The following ARFGEF3 variants were observed in gnomAD, a reference collection of about 807,000 sequenced individuals.
The protein encoded by ARFGEF3 is brefeldin A-inhibited guanine nucleotide-exchange protein 3.
A neutral mutation model predicts 221.7 loss-of-function variants in ARFGEF3; 96 were observed. The observed-to-expected ratio is 0.43, with a 90% CI of 0.37 to 0.51. The LOEUF (loss-of-function observed/expected upper bound fraction) is 0.51, where lower values mean the gene tolerates loss of function less well. Among genes scored for constraint, ARFGEF3 ranks in the 20% least tolerant of loss-of-function variants. The pLI is 0.00. For synonymous variants in ARFGEF3, 1,145 were observed against 1,126.8 expected (o/e 1.02, Z -0.32); for missense variants, 2,410 against 2,789.9 (o/e 0.86, Z 3.07).
chr6:138,335,167 A>G lies in ARFGEF3; in HGVS notation c.6321A>G (p.Arg2107=). The G allele has an allele frequency of 6.4e-7, 1 of 1,555,556 alleles. No homozygotes were observed. Among genetic ancestry groups the G allele is most frequent in the Non-Finnish European group, 8.6e-7 (1 of 1,158,404 alleles). Residue 2107 remains arginine, a synonymous_variant, in exon 33 of 34, where the codon AGA becomes AGG. Coordinates refer to ENST00000251691, the MANE Select transcript of ARFGEF3 (RefSeq NM_020340.5). ...GGAGCTCCCTCAGTGTCTCGGTGAG[A>G]GACGCAGAAGCACAGATCCAGGTAC... ...STGSSLSVSV[R]DAEAQIQAWT...
At chr6:138,190,148 TC>T (rs1368659024) in intron 2 of ARFGEF3, among the ~76,000 whole-genome samples, 10 of 152,002 alleles carry the variant, frequency 6.6e-5, no homozygotes, top group East Asian at 3.9e-4. Context: ...GAAAGGCAGT[TC>T]ACTTGCTTGG....
intron 32 of ARFGEF3, among the ~76,000 whole-genome samples, chr6:138,330,705 AG>A (rs1378243405): frequency 6.7e-6 from 1 of 149,296 alleles, no homozygotes; most frequent in African/African-American, 2.6e-5. Flanking sequence ...CCAGGTTAGC[AG>A]GTCAGTTTGA....
chr6:138,292,438 T>C (rs954784707), intron 19 of ARFGEF3, among the ~76,000 whole-genome samples: 2 of 152,066 alleles, frequency 1.3e-5, no homozygotes, highest in East Asian at 1.9e-4. Flanking sequence ...GCTTGGAAAA[T>C]GGTAAAAATC....
Position 138,263,346 on chromosome 6 carries a change from C to G in ARFGEF3, c.1863C>G (p.Asp621Glu). The change falls in exon 12 of 34, where the codon GAC becomes GAG. Residue 621 changes from aspartate (D) to glutamate (E), a missense_variant. This residue lies in a region of ARFGEF3 where 594 missense variants were observed against 734.3 expected (regional missense o/e 0.81). Coordinates refer to ENST00000251691, the MANE Select transcript of ARFGEF3 (RefSeq NM_020340.5). ...AGTACTCTATGGCAGCAGAAAAGGACTCGGGCAGGTCCGACGTGTCAGACA... is the reference window on the plus strand; with the variant it reads ...AGTACTCTATGGCAGCAGAAAAGGAGTCGGGCAGGTCCGACGTGTCAGACA... ...CDQYSMAAEKDSGRSDVSDIG... is the reference protein window; with the variant it reads ...CDQYSMAAEKESGRSDVSDIG... 6.2e-7 allele frequency: 1 copy of G among 1,614,000 alleles called. No individual in the cohort carries two copies. The highest frequency in any genetic ancestry group is 8.5e-7 in the Non-Finnish European group (1 of 1,179,886).
Position 138,334,394 on chromosome 6 carries a change from G to C in ARFGEF3, c.5548G>C (p.Asp1850His), listed in dbSNP as rs1562220175. 1 of 1,613,084 alleles carries C rather than the reference G, an allele frequency of 6.2e-7. No individual in the cohort carries two copies. The highest frequency in any genetic ancestry group is 1.7e-5 in the Admixed American group (1 of 59,878). ...TTTTGAGGACGACGAGAGAAGCACG[G>C]ATTCTTCCCAGCAGTGTTCATCTGA... Reference protein sequence around the residue: ...VLFEDDERSTDSSQQCSSEDE... With the variant: ...VLFEDDERSTHSSQQCSSEDE... Residue 1850 changes from aspartate to histidine, a missense_variant, in exon 33 of 34, where the codon GAT (aspartate) becomes CAT (histidine). This residue lies in a region of ARFGEF3 where 723 missense variants were observed against 991.9 expected (regional missense o/e 0.73). Transcript: ENST00000251691. This position sits in a 1 kb window ranked among gnomAD's most constrained non-coding sequence, Gnocchi z 5.1.
intron 25 of ARFGEF3, among the ~76,000 whole-genome samples, chr6:138,312,410 A>G (rs1359731350): frequency 1.3e-5 from 2 of 152,112 alleles, no homozygotes; most frequent in African/African-American, 4.8e-5. Context: ...TAAAAGGGAC[A>G]TGCGGCCCTG....
At chr6:138,274,656 A>ATGG (rs2114610414) in intron 12 of ARFGEF3, among the ~76,000 whole-genome samples, 1 of 152,100 alleles carries the variant, frequency 6.6e-6, no homozygotes, top group Admixed American at 6.5e-5. Context: ...TTAGCCAGGC[A>ATGG]TGGTGGTGCA....
chr6:138,235,713 T>C (rs1282755725), intron 5 of ARFGEF3, among the ~76,000 whole-genome samples: 1 of 152,214 alleles, frequency 6.6e-6, no homozygotes, highest in African/African-American at 2.4e-5. Flanking sequence ...TTACAGGAAG[T>C]GTAAGAAACT....
chr6:138,234,964 AT>A (rs1178063808), intron 5 of ARFGEF3, among the ~76,000 whole-genome samples: 1 of 152,126 alleles, frequency 6.6e-6, no homozygotes, highest in African/African-American at 2.4e-5. Flanking sequence ...GCACATTTTT[AT>A]TGTGGCATCT....
At chr6:138,295,997 T>C (rs78190614) in intron 20 of ARFGEF3, among the ~76,000 whole-genome samples, 4,508 of 152,192 alleles carry the variant, frequency 0.03, 143 homozygotes, top group African/African-American at 0.077. Context: ...GGAGAGGCAA[T>C]AGGACATGAG....
intron 1 of ARFGEF3, among the ~76,000 whole-genome samples, chr6:138,164,947 G>A (rs1299114474): frequency 2.0e-5 from 3 of 152,174 alleles, no homozygotes; most frequent in Non-Finnish European, 2.9e-5. Flanking sequence ...TACCTCTCAC[G>A]TAGACCCTCA....
At chr6:138,314,805 G>A (rs1779891173) in intron 26 of ARFGEF3, among the ~76,000 whole-genome samples, 1 of 152,154 alleles carries the variant, frequency 6.6e-6, no homozygotes, top group South Asian at 2.1e-4. Flanking sequence ...TGAACTTCGG[G>A]GGAAATATTC....
intron 4 of ARFGEF3, among the ~76,000 whole-genome samples, chr6:138,210,325 C>T (rs537271191): frequency 1.3e-5 from 2 of 152,214 alleles, no homozygotes; most frequent in South Asian, 4.1e-4. Context: ...TGAGTAGTTC[C>T]AGCGTGGGGT....
intron 2 of ARFGEF3, among the ~76,000 whole-genome samples, chr6:138,203,471 G>T (rs1175711453): frequency 6.6e-6 from 1 of 152,122 alleles, no homozygotes; most frequent in African/African-American, 2.4e-5. Context: ...ATGAAAGCAG[G>T]TGCCTGTTGT....
At chr6:138,182,951 T>G (rs974359359) in intron 2 of ARFGEF3, among the ~76,000 whole-genome samples, 14 of 152,116 alleles carry the variant, frequency 9.2e-5, no homozygotes, top group South Asian at 2.1e-4. Flanking sequence ...AAATAATGGG[T>G]TTTTTTTCCT....
intron 10 of ARFGEF3, among the ~76,000 whole-genome samples, chr6:138,261,043 T>A (rs558913538): frequency 6.6e-6 from 1 of 152,314 alleles, no homozygotes; most frequent in East Asian, 1.9e-4. Flanking sequence ...TCTGGCTCCA[T>A]GTAGCTTTAG....
At chr6:138,239,283 T>C (rs1778349400) in intron 6 of ARFGEF3, among the ~76,000 whole-genome samples, 1 of 152,232 alleles carries the variant, frequency 6.6e-6, no homozygotes, top group African/African-American at 2.4e-5. Context: ...TCTGTCATAA[T>C]TTAGATTAAA....
At position 138,262,956 on chromosome 6, in the gene ARFGEF3, G is replaced by C; in HGVS notation, c.1473G>C (p.Thr491=). Reference sequence around the variant, plus strand: ...GGCGAGTGCTGTCCTCAGAACACACGCCGTGGGAGTCAGGGAACGAGAGGA... The same window carrying C: ...GGCGAGTGCTGTCCTCAGAACACACCCCGTGGGAGTCAGGGAACGAGAGGA... ...WQRRVLSSEH[T]PWESGNERSL... Residue 491 remains threonine, a synonymous_variant, in exon 12 of 34, where the codon ACG becomes ACC. Transcript: ENST00000251691. 6.2e-7 allele frequency: 1 copy of C among 1,600,520 alleles called. No individual in the cohort carries two copies. The highest frequency in any genetic ancestry group is 8.5e-7 in the Non-Finnish European group (1 of 1,173,534).
At chr6:138,283,720 C>G (rs186698804) in intron 14 of ARFGEF3, among the ~76,000 whole-genome samples, 1 of 152,346 alleles carries the variant, frequency 6.6e-6, no homozygotes, top group East Asian at 1.9e-4. Context: ...CTTTGCATTA[C>G]TTGAATTCAT....
Sources: gnomAD v4.1 joint callset for allele counts (sites outside exome capture counted in the v4.1 genomes callset) on GRCh38, gnomAD v4.1.1 for gene constraint, gnomAD v4.1.1 regional missense constraint, Gnocchi (gnomAD v3.1) non-coding constraint, MANE v1.5 for transcripts, NCBI Gene and HGNC (gene_info 2026-07-23, HGNC 2026-07-21) for gene names.